TSPAN11: variants seen among roughly 807,000 people sequenced by gnomAD.
TSPAN11 encodes the protein tetraspanin-11.
TSPAN11 carries 29 observed loss-of-function variants against 32.9 expected under a neutral mutation model. The observed-to-expected ratio is 0.88, with a 90% CI of 0.66 to 1.20. The LOEUF (loss-of-function observed/expected upper bound fraction) is 1.20, where lower values mean the gene tolerates loss of function less well. Among genes scored for constraint, TSPAN11 ranks in the 50% most tolerant of loss-of-function variants. The probability of loss-of-function intolerance (pLI) is 0.00; values close to 1 mark genes in which losing one functional copy is unlikely to be tolerated. For missense variants in TSPAN11, 283 were observed against 329.1 expected, an observed-to-expected ratio of 0.86 and a Z score of 1.08; for synonymous variants, 140 against 141.3, an observed-to-expected ratio of 0.99 and a Z score of 0.07.
intron 3 of TSPAN11, among the ~76,000 whole-genome samples, chr12:30,965,885 T>C (rs1592482401): frequency 6.6e-6 from 1 of 151,760 alleles, no homozygotes; most frequent in African/African-American, 2.4e-5. Flanking sequence ...GACAAGAGAG[T>C]TTACCAGACT....
chr12:30,991,989 G>A lies in TSPAN11; in HGVS notation c.*74G>A. 3 of 1,523,260 alleles carry A rather than the reference G, an allele frequency of 2.0e-6. No homozygotes were observed. In the East Asian group the frequency reaches 6.8e-5, roughly 34 times the overall value. 94.4% of individuals were successfully genotyped at this position (1,523,260 alleles called of 1,614,324 possible). A position where few individuals can be genotyped will look rare whatever the true frequency, so the allele number is the denominator to read the frequency against. On this transcript the variant is annotated 3_prime_UTR_variant, in exon 8 of 8. Transcript: ENST00000546076. ...ACATGCCATCTGCAAGGCCTGCAGA[G>A]TTAGCACCAGCTCCACTAGGGCCAT...
intron 2 of TSPAN11, among the ~76,000 whole-genome samples, chr12:30,955,582 A>G (rs1815715773): frequency 6.6e-6 from 1 of 152,190 alleles, no homozygotes; most frequent in South Asian, 2.1e-4. Flanking sequence ...AAACAACAAA[A>G]ATTTATTCTC....
At chr12:30,966,589 G>A (rs73091908) in intron 3 of TSPAN11, among the ~76,000 whole-genome samples, 17,343 of 152,232 alleles carry the variant, frequency 0.11, 1,093 homozygotes, top group African/African-American at 0.16. Context: ...TGGACTGTGC[G>A]TTGCTGTCTG....
At chr12:30,955,722 G>T (rs1267968054) in intron 2 of TSPAN11, among the ~76,000 whole-genome samples, 2 of 152,106 alleles carry the variant, frequency 1.3e-5, no homozygotes, top group Non-Finnish European at 2.9e-5. Flanking sequence ...GGCACTCCTT[G>T]GCTTGTGGCT....
intron 2 of TSPAN11, among the ~76,000 whole-genome samples, chr12:30,962,004 T>C (rs2140291489): frequency 6.6e-6 from 1 of 152,200 alleles, no homozygotes; most frequent in South Asian, 2.1e-4. Flanking sequence ...TTCTAGGATT[T>C]CATTGAATCT....
the TSPAN11 span, among the ~76,000 whole-genome samples, chr12:31,002,641 C>T: frequency 8.5e-5 from 13 of 152,108 alleles, no homozygotes; most frequent in African/African-American, 2.4e-4. This position sits in a 1 kb window ranked among gnomAD's most constrained non-coding sequence, Gnocchi z 4.8. Flanking sequence ...TGAGGGTCTG[C>T]GGGACAAAGA....
intron 1 of TSPAN11, among the ~76,000 whole-genome samples, chr12:30,929,905 C>T (rs1201289449): frequency 6.6e-6 from 1 of 152,178 alleles, no homozygotes; most frequent in Non-Finnish European, 1.5e-5. Flanking sequence ...AGGTTTGGGG[C>T]TCAGAATCTA....
At chr12:30,944,813 CCCCTGAGTATGGGGTGCT>C (rs1258938280) in intron 1 of TSPAN11, among the ~76,000 whole-genome samples, 13 of 152,246 alleles carry the variant, frequency 8.5e-5, no homozygotes, top group Non-Finnish European at 1.5e-5. Context: ...CAGAAGCCCT[CCCCTGAGTATGGGGTGCT>C]CCCTGAGTAT....
intron 3 of TSPAN11, among the ~76,000 whole-genome samples, chr12:30,973,685 C>T (rs1333867426): frequency 6.6e-6 from 1 of 152,134 alleles, no homozygotes; most frequent in African/African-American, 2.4e-5. Flanking sequence ...CTCTCTGGCA[C>T]AGTGAGCTAG....
chr12:31,002,662 G>A, the TSPAN11 span, among the ~76,000 whole-genome samples: 1 of 152,168 alleles, frequency 6.6e-6, no homozygotes, highest in Non-Finnish European at 1.5e-5. This position sits in a 1 kb window ranked among gnomAD's most constrained non-coding sequence, Gnocchi z 4.8. Context: ...ATGGACCCCA[G>A]GCACCTGGCA....
chr12:30,960,377 T>C (rs1389829382), intron 2 of TSPAN11, among the ~76,000 whole-genome samples: 1 of 151,940 alleles, frequency 6.6e-6, no homozygotes, highest in African/African-American at 2.4e-5. Context: ...GGTGGAGAAC[T>C]CCCCTCCGCA....
At chr12:30,970,525 G>T (rs996141189) in intron 3 of TSPAN11, among the ~76,000 whole-genome samples, 39 of 152,070 alleles carry the variant, frequency 2.6e-4, no homozygotes, top group African/African-American at 9.2e-4. Context: ...CCAAGACCCA[G>T]TTTTTTTCCC....
intron 1 of TSPAN11, among the ~76,000 whole-genome samples, chr12:30,942,761 G>A (rs372548841): frequency 5.3e-5 from 8 of 151,168 alleles, no homozygotes; most frequent in African/African-American, 1.9e-4. Flanking sequence ...CAAAAGTCAT[G>A]TACTTAGGAA....
chr12:30,942,021 C>T (rs1304775377), intron 1 of TSPAN11, among the ~76,000 whole-genome samples: 1 of 152,192 alleles, frequency 6.6e-6, no homozygotes, highest in Admixed American at 6.5e-5. Flanking sequence ...GGAACAGGGC[C>T]TTCCCTCACA....
chr12:30,976,731 C>T (rs12301133), intron 3 of TSPAN11, among the ~76,000 whole-genome samples: 1 of 152,208 alleles, frequency 6.6e-6, no homozygotes, highest in African/African-American at 2.4e-5. Flanking sequence ...AGAGTGAATC[C>T]TCTGTCCAGA....
downstream of TSPAN11, among the ~76,000 whole-genome samples, chr12:31,001,558 T>C (rs1034462496): frequency 1.3e-5 from 2 of 152,244 alleles, no homozygotes; most frequent in Admixed American, 6.5e-5. Context: ...CATGAGTTAC[T>C]TGAGTATTCA....
At chr12:30,978,456 TA>T in intron 3 of TSPAN11, 104 bp from the exon 4 acceptor site, 2 of 1,113,452 alleles carry the variant, frequency 1.8e-6, no homozygotes, top group Non-Finnish European at 1.3e-6. Context: ...GCATGGATGA[TA>T]GGGGTCCCAG....
intron 1 of TSPAN11, among the ~76,000 whole-genome samples, chr12:30,929,397 T>C (rs1937870983): frequency 6.6e-6 from 1 of 152,200 alleles, no homozygotes; most frequent in Non-Finnish European, 1.5e-5. Flanking sequence ...TTCTTGAATT[T>C]TGGTCAGAGT....
rs1245152291 is a variant in TSPAN11, at chr12:30,975,612, A to G, written c.277-2949A>G. On this transcript the variant is annotated intron_variant, in intron 3 of 7. Transcript: ENST00000546076. The surrounding 1 kb of genome is among the most constrained non-coding windows in gnomAD (Gnocchi z 4.5). Reference sequence around the variant, plus strand: ...ACTAATTTAGCCAGCCACTAAACCAATGGGTGAGGTTCAGTATCTCTACCT... The same window carrying G: ...ACTAATTTAGCCAGCCACTAAACCAGTGGGTGAGGTTCAGTATCTCTACCT... Among the ~76,000 whole-genome samples the G allele has an allele frequency of 1.3e-5, 2 of 151,716 alleles. No individual in the cohort carries two copies. Among genetic ancestry groups the G allele is most frequent in the Non-Finnish European group, 1.5e-5 (1 of 67,918 alleles).
Sources: allele counts gnomAD v4.1 joint callset (sites outside exome capture counted in the v4.1 genomes callset), GRCh38; gene constraint gnomAD v4.1.1; non-coding constraint Gnocchi (gnomAD v3.1); transcripts MANE v1.5; gene names NCBI Gene and HGNC (gene_info 2026-07-23, HGNC 2026-07-21).